The following TMEM132C variants were observed in gnomAD, a reference collection of about 807,000 sequenced individuals.
The protein encoded by TMEM132C is protein phosphatase 1, regulatory subunit 152.
Under a neutral mutation model 61.4 loss-of-function variants are expected in TMEM132C, and 29 were observed. That is an observed-to-expected ratio of 0.47 (90% CI 0.35 to 0.64). The LOEUF is 0.64. Ranked by LOEUF, TMEM132C falls within the 30% of genes least tolerant of loss-of-function variation. The pLI, the probability that TMEM132C is intolerant of heterozygous loss-of-function variation, is 0.00. For missense variants in TMEM132C, 1,408 were observed against 1,476.9 expected (o/e 0.95, Z 0.76); for synonymous variants, 656 against 633.1 (o/e 1.04, Z -0.54).
intron 2 of TMEM132C, among the ~76,000 whole-genome samples, chr12:128,506,718 C>T (rs887450118): frequency 1.3e-5 from 2 of 152,192 alleles, no homozygotes; most frequent in African/African-American, 2.4e-5. Context: ...ATCCCAGTGG[C>T]TCCCATGCTC....
chr12:128,472,932 A>G (rs963098406), intron 2 of TMEM132C, among the ~76,000 whole-genome samples: 17 of 152,220 alleles, frequency 1.1e-4, no homozygotes, highest in Admixed American at 4.6e-4. Flanking sequence ...ATTATCCAAA[A>G]TGTAGTGGCT....
chr12:128,696,656 C>G (rs1162052385), intron 7 of TMEM132C, among the ~76,000 whole-genome samples: 1 of 152,146 alleles, frequency 6.6e-6, no homozygotes, highest in Non-Finnish European at 1.5e-5. Context: ...CCCTCAAGTC[C>G]CACCCTACTG....
Position 128,322,080 on chromosome 12 carries a change from C to T in TMEM132C, c.85+54593C>T, listed in dbSNP as rs75525123. On this transcript the variant is annotated intron_variant, in intron 1 of 8. Coordinates refer to ENST00000435159, the MANE Select transcript of TMEM132C (RefSeq NM_001136103.3). ...AGATAGAAACTATTTTCCGTCCTCT[C>T]GAACCTGAGATGTTTTGTGACTTAT... Among the ~76,000 whole-genome samples the T allele has an allele frequency of 2.7e-3, 408 of 152,358 alleles. 4 individuals are homozygous for T. Among genetic ancestry groups the T allele is most frequent in the African/African-American group, 9.3e-3 (385 of 41,592 alleles).
chr12:128,346,502 G>GTTTTTTAA, intron 1 of TMEM132C, among the ~76,000 whole-genome samples: 1 of 152,222 alleles, frequency 6.6e-6, no homozygotes, highest in Middle Eastern at 3.4e-3. Flanking sequence ...GGGCAGTATG[G>GTTTTTTAA]CCATTTTAAC....
At chr12:128,647,935 A>T (rs1353344743) in intron 4 of TMEM132C, among the ~76,000 whole-genome samples, 2 of 133,694 alleles carry the variant, frequency 1.5e-5, no homozygotes, top group African/African-American at 6.0e-5. Context: ...GCATTGGATG[A>T]GTGTGTTTAC....
At chr12:128,574,284 A>C (rs1357808416) in intron 3 of TMEM132C, among the ~76,000 whole-genome samples, 2 of 152,222 alleles carry the variant, frequency 1.3e-5, no homozygotes, top group African/African-American at 4.8e-5. Context: ...GCTCATTCCA[A>C]TGCTAATATT....
At position 128,653,950 on chromosome 12, in the gene TMEM132C, G is replaced by T. The variant is rs79350736; in HGVS notation, c.1306-15467G>T. 1.4e-3 allele frequency among the ~76,000 whole-genome samples: 209 copies of T among 152,302 alleles called. 1 individual carries two copies. Among genetic ancestry groups the T allele is most frequent in the African/African-American group, 4.8e-3 (200 of 41,566 alleles). ...CCTCTGTGCCTCAGTTTCCCCTCCT[G>T]TGGTGACACCAGCCCTTTCTACTCT... On this transcript the variant is annotated intron_variant, in intron 4 of 8. Transcript: ENST00000435159.
At chr12:128,589,002 C>T (rs956603784) in intron 3 of TMEM132C, among the ~76,000 whole-genome samples, 1 of 152,162 alleles carries the variant, frequency 6.6e-6, no homozygotes, top group African/African-American at 2.4e-5. Flanking sequence ...CAGACTGGAG[C>T]TGCCTTGGGA....
intron 1 of TMEM132C, among the ~76,000 whole-genome samples, chr12:128,376,011 G>A (rs1874180981): frequency 1.3e-5 from 2 of 152,196 alleles, no homozygotes; most frequent in Admixed American, 6.5e-5. Flanking sequence ...GGCTGCCTGC[G>A]GTGGGAAGCT....
At position 128,332,000 on chromosome 12, in the gene TMEM132C, T is replaced by A. The variant is rs1872675936; in HGVS notation, c.85+64513T>A. On this transcript the variant is annotated intron_variant, in intron 1 of 8. Transcript: ENST00000435159. ...TTATTTTTTTCACCCAACATGATAG[T>A]TTCAAGCTCAAGCCCTGATGACGCC... is the stretch of plus-strand genomic sequence containing the variant. Among the ~76,000 whole-genome samples the A allele has an allele frequency of 2.0e-5, 3 of 151,746 alleles. No homozygotes were observed. In the South Asian group the frequency reaches 6.2e-4, roughly 31 times the overall value.
At chr12:128,537,205 T>A (rs1873562717) in intron 2 of TMEM132C, among the ~76,000 whole-genome samples, 1 of 152,184 alleles carries the variant, frequency 6.6e-6, no homozygotes, top group South Asian at 2.1e-4. Flanking sequence ...CTGTGCATCC[T>A]CAGTAGATGG....
intron 1 of TMEM132C, among the ~76,000 whole-genome samples, chr12:128,335,432 A>G (rs1016027265): frequency 5.3e-5 from 8 of 152,178 alleles, no homozygotes; most frequent in Admixed American, 3.3e-4. Context: ...GAGAGATCAA[A>G]TTTTTCAGAA....
At chr12:128,651,084 C>A (rs1278107825) in intron 4 of TMEM132C, among the ~76,000 whole-genome samples, 1 of 152,200 alleles carries the variant, frequency 6.6e-6, no homozygotes, top group Non-Finnish European at 1.5e-5. Context: ...ATCCACCATT[C>A]CATCAGGGAG....
At chr12:128,393,786 T>C (rs1874847240) in intron 1 of TMEM132C, among the ~76,000 whole-genome samples, 1 of 152,178 alleles carries the variant, frequency 6.6e-6, no homozygotes, top group Non-Finnish European at 1.5e-5. Flanking sequence ...CAGATCAGCA[T>C]TGCAATCAGG....
At chr12:128,370,295 T>C (rs906095808) in intron 1 of TMEM132C, among the ~76,000 whole-genome samples, 7 of 152,140 alleles carry the variant, frequency 4.6e-5, no homozygotes, top group African/African-American at 7.2e-5. Flanking sequence ...TGTTAGACTA[T>C]TGCAGGTGAC....
chr12:128,278,750 ATGTGTGTGTG>A lies in TMEM132C; in HGVS notation c.85+11291_85+11300del, dbSNP rs35003496. 1.0e-4 allele frequency among the ~76,000 whole-genome samples: 14 copies of A among 137,062 alleles called. No homozygotes were observed. The highest frequency in any genetic ancestry group is 4.6e-4 in the South Asian group (2 of 4,334). The allele number at this position is 137,062 out of a possible 152,430, so 89.9% of individuals were successfully genotyped here. A position where few individuals can be genotyped will look rare whatever the true frequency, so the allele number is the denominator to read the frequency against. ...TGTGCAGACTTGATTCTATACGTGTATGTGTGTGTGTGTGTGTGTGTGTGTGTGTGTGTGT... is the reference window on the plus strand; with the variant it reads ...TGTGCAGACTTGATTCTATACGTGTATGTGTGTGTGTGTGTGTGTGTGTGT... On this transcript the variant is annotated intron_variant, in intron 1 of 8. Transcript: ENST00000435159. The surrounding 1 kb of genome is among the most constrained non-coding windows in gnomAD (Gnocchi z 4.2).
intron 8 of TMEM132C, among the ~76,000 whole-genome samples, chr12:128,704,500 C>T (rs1954823033): frequency 6.6e-6 from 1 of 152,220 alleles, no homozygotes; most frequent in African/African-American, 2.4e-5. Flanking sequence ...AATGGCTCAA[C>T]AGGGTCAACC....
chr12:128,583,517 A>G lies in TMEM132C; in HGVS notation c.1122-32635A>G, dbSNP rs1264340628. Among the ~76,000 whole-genome samples the G allele has an allele frequency of 2.6e-5, 4 of 152,194 alleles. No individual in the cohort carries two copies. The East Asian group carries it at 7.7e-4, about 29-fold the overall frequency. On this transcript the variant is annotated intron_variant, in intron 3 of 8. Transcript: ENST00000435159. Reference sequence around the variant, plus strand: ...TCTAGAAAGGCTCACCTTAAATCAGACTGGTGTTGATTGGACCTCACTGGT... The same window carrying G: ...TCTAGAAAGGCTCACCTTAAATCAGGCTGGTGTTGATTGGACCTCACTGGT...
At position 128,707,150 on chromosome 12, in the gene TMEM132C, C is replaced by T. The variant is rs1229017729; in HGVS notation, c.*855C>T. The T allele has an allele frequency of 6.6e-6, 1 of 152,090 alleles. No homozygotes were observed. Among genetic ancestry groups the T allele is most frequent in the Non-Finnish European group, 1.5e-5 (1 of 68,044 alleles). 9.4% of individuals were successfully genotyped at this position (152,090 alleles called of 1,614,324 possible). A position where few individuals can be genotyped will look rare whatever the true frequency, so the allele number is the denominator to read the frequency against. Reference sequence around the variant, plus strand: ...GGGAGGAGAGGAACTGTCCTTAATCCATCACCACTACCATAGGGCAAAGCC... The same window carrying T: ...GGGAGGAGAGGAACTGTCCTTAATCTATCACCACTACCATAGGGCAAAGCC... On this transcript the variant is annotated 3_prime_UTR_variant, in exon 9 of 9. Transcript: ENST00000435159.
Sources: allele counts gnomAD v4.1 joint callset (sites outside exome capture counted in the v4.1 genomes callset), GRCh38; gene constraint gnomAD v4.1.1; non-coding constraint Gnocchi (gnomAD v3.1); transcripts MANE v1.5; gene names NCBI Gene and HGNC (gene_info 2026-07-23, HGNC 2026-07-21).